The following SLC5A7 variants were observed in gnomAD, a reference collection of about 807,000 sequenced individuals.
SLC5A7 encodes the protein solute carrier family 5 member 7.
In SLC5A7, 19 loss-of-function variants were observed where a neutral mutation model predicts 55.4. The observed-to-expected ratio is 0.34, with a 90% CI of 0.24 to 0.50. The LOEUF is 0.50. Among genes scored for constraint, SLC5A7 ranks in the 20% least tolerant of loss-of-function variants. SLC5A7 has a pLI of 0.98. For missense variants in SLC5A7, 506 were observed against 705.3 expected (o/e 0.72, Z 3.20); for synonymous variants, 265 against 263.7 (o/e 1.00, Z -0.05).
intron 8 of SLC5A7, 135 bp from the exon 9 acceptor site, chr2:108,010,097 T>G (rs909373924): frequency 9.0e-7 from 1 of 1,111,674 alleles, no homozygotes; most frequent in Admixed American, 2.8e-5. Context: ...CTGTAGTTGG[T>G]TTTTCCCATA....
intron 6 of SLC5A7, among the ~76,000 whole-genome samples, chr2:108,005,305 G>T (rs1345652203): frequency 6.6e-6 from 1 of 152,104 alleles, no homozygotes; most frequent in African/African-American, 2.4e-5. Flanking sequence ...ACATTGCCTG[G>T]CACATGATTG....
At chr2:108,004,496 G>A (rs1482903235) in intron 6 of SLC5A7, among the ~76,000 whole-genome samples, 3 of 152,140 alleles carry the variant, frequency 2.0e-5, no homozygotes, top group Admixed American at 6.5e-5. Flanking sequence ...AGAACCCAGA[G>A]CCCAGTGAGA....
At chr2:108,003,637 TG>T (rs796624809) in intron 6 of SLC5A7, among the ~76,000 whole-genome samples, 30 of 152,274 alleles carry the variant, frequency 2.0e-4, no homozygotes, top group African/African-American at 6.5e-4. Context: ...TGGTCACACT[TG>T]GAACCTTCCC....
intron 7 of SLC5A7, among the ~76,000 whole-genome samples, chr2:108,006,524 A>G (rs1678131774): frequency 6.6e-6 from 1 of 151,212 alleles, no homozygotes; most frequent in African/African-American, 2.4e-5. Flanking sequence ...CCAGCCTCCA[A>G]TTTTTTTGAT....
At chr2:107,987,110 T>TC (rs1677275115) in intron 1 of SLC5A7, among the ~76,000 whole-genome samples, 1 of 151,502 alleles carries the variant, frequency 6.6e-6, no homozygotes. Flanking sequence ...GCTGATTCTT[T>TC]CCCCCAACGT....
At chr2:108,005,806 G>T (rs1678089659) in intron 6 of SLC5A7, among the ~76,000 whole-genome samples, 1 of 152,132 alleles carries the variant, frequency 6.6e-6, no homozygotes, top group Non-Finnish European at 1.5e-5. Flanking sequence ...ATCTCCCAAA[G>T]TTGCCAACTT....
rs555872330 is a variant in SLC5A7 at position 107,994,311 on chromosome 2, C to T, written c.448+1184C>T. Among the ~76,000 whole-genome samples, 59 of 152,260 alleles carry T rather than the reference C, an allele frequency of 3.9e-4. 1 individual carries two copies. In the South Asian group the frequency reaches 0.011, roughly 27 times the overall value. ...CAAGAACTAGGTGGGGGGCCGGGCGCGGTGGCTCACGCCTGTAATCCCAGC... is the reference window on the plus strand; with the variant it reads ...CAAGAACTAGGTGGGGGGCCGGGCGTGGTGGCTCACGCCTGTAATCCCAGC... On this transcript the variant is annotated intron_variant, in intron 4 of 8. Coordinates refer to ENST00000264047, the MANE Select transcript of SLC5A7 (RefSeq NM_021815.5).
At position 108,012,657 on chromosome 2, in the gene SLC5A7, T is replaced by A. The variant is rs1167441635; in HGVS notation, c.*1796T>A. The A allele has an allele frequency of 6.6e-6, 1 of 152,078 alleles. No individual in the cohort carries two copies. Among genetic ancestry groups the A allele is most frequent in the African/African-American group, 2.4e-5 (1 of 41,410 alleles). The allele number at this position is 152,078 out of a possible 1,614,324, so 9.4% of individuals were successfully genotyped here. ...TCACTGAATATCATATGTATCTAAA[T>A]GAAAAGAGAATTACTTATATTCATC... On this transcript the variant is annotated 3_prime_UTR_variant, in exon 9 of 9. Transcript: ENST00000264047.
At chr2:108,004,057 CA>C (rs1678016168) in intron 6 of SLC5A7, among the ~76,000 whole-genome samples, 1 of 152,222 alleles carries the variant, frequency 6.6e-6, no homozygotes, top group Non-Finnish European at 1.5e-5. Context: ...GATTATTTCC[CA>C]AAGACCCCAC....
rs995364942 is a variant in SLC5A7, at chr2:108,012,719, C to T, written c.*1858C>T. 5 of 151,924 alleles carry T rather than the reference C, an allele frequency of 3.3e-5. No individual in the cohort carries two copies. In the South Asian group the frequency reaches 1.0e-3, roughly 32 times the overall value. 9.4% of individuals were successfully genotyped at this position (151,924 alleles called of 1,614,324 possible). A position where few individuals can be genotyped will look rare whatever the true frequency, so the allele number is the denominator to read the frequency against. Reference sequence around the variant, plus strand: ...AATCTATTCAGTACCCTATGGAGTACATGGAAGAAGTATATTTTTGGAACC... The same window carrying T: ...AATCTATTCAGTACCCTATGGAGTATATGGAAGAAGTATATTTTTGGAACC... On this transcript the variant is annotated 3_prime_UTR_variant, in exon 9 of 9. Coordinates refer to ENST00000264047, the MANE Select transcript of SLC5A7 (RefSeq NM_021815.5).
At chr2:107,987,632 TAAAA>T (rs1303472543) in intron 1 of SLC5A7, among the ~76,000 whole-genome samples, 1 of 152,180 alleles carries the variant, frequency 6.6e-6, no homozygotes, top group African/African-American at 2.4e-5. Flanking sequence ...AAAGGACAGA[TAAAA>T]GAATGAATAA....
chr2:107,993,189 C>T, intron 4 of SLC5A7, 62 bp downstream of exon 4: 4 of 1,574,700 alleles, frequency 2.5e-6, no homozygotes, highest in Non-Finnish European at 3.5e-6. Context: ...AGATACACAA[C>T]CTTACTTTCC....
At chr2:108,004,041 T>G (rs986381450) in intron 6 of SLC5A7, among the ~76,000 whole-genome samples, 1 of 152,180 alleles carries the variant, frequency 6.6e-6, no homozygotes, top group Non-Finnish European at 1.5e-5. Flanking sequence ...TCCACCCTCA[T>G]GACCTGATTA....
In SLC5A7 at chr2:108,006,040, C is replaced by G. The variant is rs1678104455; in HGVS notation, c.742-9C>G. On this transcript the variant is annotated splice_polypyrimidine_tract_variant and intron_variant, in intron 6 of 8. Coordinates refer to ENST00000264047, the MANE Select transcript of SLC5A7 (RefSeq NM_021815.5). ...TGTTTGCCTCTCCATCCTTGTGTTT[C>G]CCGCACAGATGCTGGGTGGAATCCC... The G allele has an allele frequency of 6.2e-7, 1 of 1,613,862 alleles. No individual in the cohort carries two copies. The highest frequency in any genetic ancestry group is 8.5e-7 in the Non-Finnish European group (1 of 1,179,914).
chr2:108,000,168 C>T (rs970982777), intron 5 of SLC5A7, among the ~76,000 whole-genome samples: 1 of 152,152 alleles, frequency 6.6e-6, no homozygotes, highest in Non-Finnish European at 1.5e-5. Flanking sequence ...TACACGCACA[C>T]ACACACACCC....
intron 5 of SLC5A7, 45 bp downstream of exon 5, chr2:107,998,031 G>T: frequency 1.3e-6 from 2 of 1,568,810 alleles, no homozygotes; most frequent in Non-Finnish European, 1.7e-6. Flanking sequence ...TTCTGTAAAA[G>T]GTAATGTATT....
At chr2:108,004,598 A>G (rs1481168823) in intron 6 of SLC5A7, among the ~76,000 whole-genome samples, 1 of 152,204 alleles carries the variant, frequency 6.6e-6, no homozygotes, top group Non-Finnish European at 1.5e-5. Context: ...TATTTATTGA[A>G]TATTGACTTT....
chr2:108,006,238 A>G (rs1414738382), intron 7 of SLC5A7, 36 bp downstream of exon 7: 3 of 1,610,950 alleles, frequency 1.9e-6, no homozygotes, highest in African/African-American at 2.7e-5. Context: ...TGTGCCAGTT[A>G]GTTTACCAAT....
At chr2:107,998,017 T>G (rs756691573) in intron 5 of SLC5A7, 31 bp downstream of exon 5, 6 of 1,590,052 alleles carry the variant, frequency 3.8e-6, no homozygotes, top group Non-Finnish European at 5.1e-6. Context: ...TTCTCCTCCT[T>G]TTTTTCTGTA....
Sources: gnomAD v4.1 joint callset for allele counts (sites outside exome capture counted in the v4.1 genomes callset) on GRCh38, gnomAD v4.1.1 for gene constraint, MANE v1.5 for transcripts, NCBI Gene and HGNC (gene_info 2026-07-23, HGNC 2026-07-21) for gene names.